Variants in FAT2 observed in about 807,000 individuals in gnomAD.
The protein encoded by FAT2 is protocadherin Fat 2.
FAT2 carries 150 observed loss-of-function variants against 295.3 expected under a neutral mutation model. The ratio of observed to expected loss-of-function variants is 0.51; its 90% confidence interval spans 0.44 to 0.58. The LOEUF is 0.58. Ranked by LOEUF, FAT2 falls within the 20% of genes least tolerant of loss-of-function variation. The pLI, the probability that FAT2 is intolerant of heterozygous loss-of-function variation, is 0.00. For synonymous variants in FAT2, 2,026 were observed against 2,150.3 expected, an observed-to-expected ratio of 0.94 and a Z score of 1.60; for missense variants, 4,868 against 5,442.7, an observed-to-expected ratio of 0.89 and a Z score of 3.32.
At chr5:151,532,424 T>A (rs1036836240) in intron 13 of FAT2, among the ~76,000 whole-genome samples, 3 of 151,456 alleles carry the variant, frequency 2.0e-5, no homozygotes, top group Admixed American at 2.0e-4. Flanking sequence ...CACACGCAAA[T>A]GAGTGCATAC....
In FAT2 at chr5:151,566,930, C is replaced by T. The variant is rs1167578180; in HGVS notation, c.2002G>A (p.Val668Ile). The T allele has an allele frequency of 3.1e-6, 5 of 1,614,004 alleles. No individual in the cohort carries two copies. The highest frequency in any genetic ancestry group is 1.3e-5 in the African/African-American group (1 of 74,924). The change falls in exon 2 of 24, where the codon GTA becomes ATA. Residue 668 changes from valine (V) to isoleucine (I), a missense_variant. Val to Ile is a conservative substitution (Grantham distance 29). This residue lies in a region of FAT2 where 3,297 missense variants were observed against 3,669.4 expected (regional missense o/e 0.90). Coordinates refer to ENST00000261800, the MANE Select transcript of FAT2 (RefSeq NM_001447.3). ...VVKDPHFEVP[V>I]TCDKTGVLTQ... ...AATACCCCTGTTTTATCACATGTTA[C>T]AGGAACTTCAAAATGAGGGTCCTTC...
Position 151,505,708 on chromosome 5 carries a change from T to C in FAT2, c.12907A>G (p.Ser4303Gly), listed in dbSNP as rs1455822700. 1.2e-6 allele frequency: 2 copies of C among 1,613,876 alleles called. No homozygotes were observed. The highest frequency in any genetic ancestry group is 2.7e-5 in the African/African-American group (2 of 74,908). ...ACAGCATAAGAGGGCCCAGCTCGGC[T>C]GAGGCGCATACCCACCCCCTTGTAG... is the stretch of plus-strand genomic sequence containing the variant. ...GGYKGVGMRL[S>G]RAGPSYAVCE... is the part of the protein sequence containing the mutation. Residue 4303 changes from serine to glycine, a missense_variant, in exon 24 of 24, where the codon AGC becomes GGC. This residue lies in a region of FAT2 where 492 missense variants were observed against 482.6 expected (regional missense o/e 1.02). Coordinates refer to ENST00000261800, the MANE Select transcript of FAT2 (RefSeq NM_001447.3).
At chr5:151,594,769 G>A (rs919909718), upstream of FAT2, among the ~76,000 whole-genome samples, 8 of 152,116 alleles carry the variant, frequency 5.3e-5, no homozygotes, top group Admixed American at 1.3e-4. Context: ...ATGAGGGGAC[G>A]GAGCAGAGGA....
chr5:151,532,620 G>A (rs193016938), intron 13 of FAT2, among the ~76,000 whole-genome samples: 28 of 152,276 alleles, frequency 1.8e-4, no homozygotes, highest in Middle Eastern at 3.4e-3. Context: ...CTATAATTAC[G>A]TCAACATAAA....
chr5:151,589,533 C>T (rs1581483090), intron 1 of FAT2, among the ~76,000 whole-genome samples: 1 of 152,290 alleles, frequency 6.6e-6, no homozygotes, highest in East Asian at 1.9e-4. Flanking sequence ...AACATTGAGC[C>T]TCTCAAGGTT....
chr5:151,538,342 G>C (rs761430813), intron 11 of FAT2, among the ~76,000 whole-genome samples: 2 of 152,172 alleles, frequency 1.3e-5, no homozygotes, highest in Non-Finnish European at 2.9e-5. Context: ...GCCTGATATA[G>C]GCATTCTGGA....
At chr5:151,533,436 ACG>A (rs1754892893) in intron 13 of FAT2, among the ~76,000 whole-genome samples, 4 of 145,500 alleles carry the variant, frequency 2.7e-5, no homozygotes, top group Non-Finnish European at 4.5e-5. Context: ...ACACACACAC[ACG>A]CTTTCCAGGT....
At position 151,531,448 on chromosome 5, in the gene FAT2, A is replaced by T; in HGVS notation, c.9811+139T>A. 8.4e-7 allele frequency: 1 copy of T among 1,194,878 alleles called. No homozygotes were observed. Among genetic ancestry groups the T allele is most frequent in the Non-Finnish European group, 1.2e-6 (1 of 861,306 alleles). 74.0% of individuals were successfully genotyped at this position (1,194,878 alleles called of 1,614,324 possible). A position where few individuals can be genotyped will look rare whatever the true frequency, so the allele number is the denominator to read the frequency against. On this transcript the variant is annotated intron_variant, in intron 14 of 23. Coordinates refer to ENST00000261800, the MANE Select transcript of FAT2 (RefSeq NM_001447.3). The surrounding 1 kb of genome is among the most constrained non-coding windows in gnomAD (Gnocchi z 5.7). The stretch of plus-strand genomic sequence containing the variant: ...AGGGACCTGGTACTCGGAGAGAAGC[A>T]GAAGAGAATGGAGAAACGACCAGAG...
chr5:151,550,826 A>G lies in FAT2; in HGVS notation c.4342T>C (p.Phe1448Leu). 1.9e-6 allele frequency: 3 copies of G among 1,613,662 alleles called. No homozygotes were observed. Among genetic ancestry groups the G allele is most frequent in the Non-Finnish European group, 2.5e-6 (3 of 1,179,986 alleles). The change falls in exon 8 of 24, where the codon TTT becomes CTT. Residue 1448 changes from phenylalanine to leucine, a missense_variant. Physicochemically the swap from Phe to Leu is conservative, Grantham distance 22 (BLOSUM62 0). Transcript: ENST00000261800. ...IANINHHRPQ[F>L]LETRYEVRVP... ...CTGACTTCATAACGAGTTTCCAGAA[A>G]CTGGGGCCGATGGTGGTTAATGTTG... is the stretch of plus-strand genomic sequence containing the variant.
At chr5:151,559,797 C>T (rs932192268) in intron 3 of FAT2, among the ~76,000 whole-genome samples, 4 of 152,042 alleles carry the variant, frequency 2.6e-5, no homozygotes, top group Non-Finnish European at 5.9e-5. Flanking sequence ...CCCAGTTGCC[C>T]CTATTCTCAT....
At position 151,545,776 on chromosome 5, in the gene FAT2, G is replaced by C; in HGVS notation, c.5351C>G (p.Pro1784Arg). 3 of 1,614,110 alleles carry C rather than the reference G, an allele frequency of 1.9e-6. No homozygotes were observed. The highest frequency in any genetic ancestry group is 2.5e-6 in the Non-Finnish European group (3 of 1,180,018). ...YSMIMDKNNN[P>R]FVIHASDSDK... is the part of the protein sequence containing the mutation. ...ACTGTCAGAGGCATGAATCACAAAGGGGTTGTTGTTTTTATCCATGATCAT... is the reference window on the plus strand; with the variant it reads ...ACTGTCAGAGGCATGAATCACAAAGCGGTTGTTGTTTTTATCCATGATCAT... Residue 1784 changes from proline (P) to arginine (R), a missense_variant, in exon 10 of 24, where the codon CCC becomes CGC. Pro to Arg is a moderately radical substitution (Grantham distance 103, BLOSUM62 -2). Around this residue, in one of 5 missense-constraint regions of FAT2, gnomAD observed 3,297 missense variants for 3,669.4 expected, o/e 0.90. Coordinates refer to ENST00000261800, the MANE Select transcript of FAT2 (RefSeq NM_001447.3).
Position 151,554,734 on chromosome 5 carries a change from T to TGCC in FAT2, c.3634-62_3634-61insGGC. On this transcript the variant is annotated intron_variant, in intron 4 of 23. Transcript: ENST00000261800. ...CAATTGCAAATTAGTGACTATGCTT[T>TGCC]AACAACCTGGAAATAGTAGTCACTT... 2.3e-5 allele frequency: 30 copies of TGCC among 1,296,936 alleles called. No individual in the cohort carries two copies. In the African/African-American group the frequency reaches 3.8e-4, roughly 17 times the overall value. 80.3% of individuals were successfully genotyped at this position (1,296,936 alleles called of 1,614,324 possible).
At position 151,521,797 on chromosome 5, in the gene FAT2, G is replaced by A. The variant is rs866461662; in HGVS notation, c.10796C>T (p.Ser3599Leu). Residue 3599 changes from serine to leucine, a missense_variant, in exon 19 of 24, where the codon TCG becomes TTG. Around this residue, in one of 5 missense-constraint regions of FAT2, gnomAD observed 1,046 missense variants for 1,210.1 expected, o/e 0.86. Coordinates refer to ENST00000261800, the MANE Select transcript of FAT2 (RefSeq NM_001447.3). Reference sequence around the variant, plus strand: ...CCCATCGCTGACCGTGACGTTGAACGAGTAGTGGCCACGAGGCAGGCCCTG... The same window carrying A: ...CCCATCGCTGACCGTGACGTTGAACAAGTAGTGGCCACGAGGCAGGCCCTG... ...AAQGLPRGHY[S>L]FNVTVSDGTF... The A allele has an allele frequency of 8.7e-6, 14 of 1,614,076 alleles. No individual in the cohort carries two copies. The Middle Eastern group carries it at 4.9e-4, about 57-fold the overall frequency.
chr5:151,563,243 T>C, intron 3 of FAT2, 82 bp downstream of exon 3: 2 of 1,315,222 alleles, frequency 1.5e-6, no homozygotes, highest in Non-Finnish European at 2.1e-6. Context: ...TTCACAGTAA[T>C]GCTGATGGTG....
chr5:151,550,407 C>T (rs1034574374), intron 8 of FAT2, among the ~76,000 whole-genome samples, 183 bp downstream of exon 8: 1 of 152,212 alleles, frequency 6.6e-6, no homozygotes, highest in South Asian at 2.1e-4. Context: ...GCCGTCCCAT[C>T]TCTACCTTCA....
rs764769273 is a variant in FAT2, at chr5:151,544,980, C to T, written c.6147G>A (p.Gln2049=). The T allele has an allele frequency of 1.2e-6, 2 of 1,614,106 alleles. No individual in the cohort carries two copies. Among genetic ancestry groups the T allele is most frequent in the Non-Finnish European group, 8.5e-7 (1 of 1,180,052 alleles). Residue 2049 remains glutamine (Q), a synonymous_variant, in exon 10 of 24, where the codon CAG becomes CAA. Coordinates refer to ENST00000261800, the MANE Select transcript of FAT2 (RefSeq NM_001447.3). ...AVEVRDNRTP[Q]RVAQGLVRVS... is the part of the protein sequence containing the mutation. ...CTCTGACCAAACCCTGAGCCACCCG[C>T]TGAGGTGTCCGATTGTCCCTCACTT...
At chr5:151,557,831 C>T (rs1757831970) in intron 3 of FAT2, among the ~76,000 whole-genome samples, 1 of 152,156 alleles carries the variant, frequency 6.6e-6, no homozygotes, top group Non-Finnish European at 1.5e-5. Context: ...GCTGGGAAAG[C>T]ATTCAGGGTC....
intron 19 of FAT2, among the ~76,000 whole-genome samples, chr5:151,520,362 T>C (rs1211321090): frequency 2.0e-5 from 3 of 152,226 alleles, no homozygotes; most frequent in Non-Finnish European, 4.4e-5. Context: ...CACACAGATA[T>C]TTGAATAACG....
intron 3 of FAT2, among the ~76,000 whole-genome samples, chr5:151,558,162 G>A (rs933990290): frequency 1.3e-5 from 2 of 152,152 alleles, no homozygotes; most frequent in East Asian, 1.9e-4. Context: ...GAGTTCACAC[G>A]GTGTTCACCT....
Sources: allele counts gnomAD v4.1 joint callset (sites outside exome capture counted in the v4.1 genomes callset), GRCh38; gene constraint gnomAD v4.1.1; regional missense constraint gnomAD v4.1.1; non-coding constraint Gnocchi (gnomAD v3.1); transcripts MANE v1.5; gene names NCBI Gene and HGNC (gene_info 2026-07-23, HGNC 2026-07-21).